The following DCDC1 variants were observed in gnomAD, a reference collection of about 807,000 sequenced individuals.
DCDC1 encodes the protein doublecortin domain-containing protein 1.
DCDC1 carries 200 observed loss-of-function variants against 178.3 expected under a neutral mutation model. The observed-to-expected ratio is 1.12, with a 90% CI of 1.00 to 1.26. DCDC1 has a LOEUF of 1.26. Ranked by LOEUF, DCDC1 falls within the 50% of genes most tolerant of loss-of-function variation. The pLI is 0.00. For missense variants in DCDC1, 1,983 were observed against 1,749.2 expected, an observed-to-expected ratio of 1.13 and a Z score of -2.38; for synonymous variants, 690 against 604.8, an observed-to-expected ratio of 1.14 and a Z score of -2.07.
At chr11:30,989,292 A>G (rs954367719) in intron 20 of DCDC1, among the ~76,000 whole-genome samples, 3 of 152,226 alleles carry the variant, frequency 2.0e-5, no homozygotes, top group Admixed American at 1.3e-4. Context: ...GCCTGTTTAC[A>G]TAGTACAGAG....
At chr11:31,291,091 G>C (rs1947199547) in intron 6 of DCDC1, among the ~76,000 whole-genome samples, 1 of 152,004 alleles carries the variant, frequency 6.6e-6, no homozygotes, top group Admixed American at 6.6e-5. Context: ...TTCAGGGTAT[G>C]AAAGAGTAAT....
chr11:31,245,569 G>A (rs947733876), intron 8 of DCDC1, among the ~76,000 whole-genome samples: 1 of 151,560 alleles, frequency 6.6e-6, no homozygotes, highest in South Asian at 2.1e-4. Flanking sequence ...TGAAGACTAA[G>A]GAGGAAAATA....
chr11:31,213,272 C>T, intron 9 of DCDC1, among the ~76,000 whole-genome samples: 1 of 151,472 alleles, frequency 6.6e-6, no homozygotes, highest in Non-Finnish European at 1.5e-5. Context: ...CTATTTTCGC[C>T]TCATGTCAAA....
intron 9 of DCDC1, among the ~76,000 whole-genome samples, chr11:31,226,453 C>A (rs931774693): frequency 1.3e-5 from 2 of 151,412 alleles, no homozygotes; most frequent in Admixed American, 6.6e-5. Context: ...AGAAGGTAAA[C>A]CCCCGAATAA....
chr11:30,930,013 C>G (rs1410589216), intron 22 of DCDC1, among the ~76,000 whole-genome samples: 1 of 152,082 alleles, frequency 6.6e-6, no homozygotes, highest in African/African-American at 2.4e-5. Context: ...CAGCATGTTA[C>G]TAGGGCAAGA....
chr11:31,343,369 C>A (rs925171826), intron 1 of DCDC1, among the ~76,000 whole-genome samples: 6 of 152,064 alleles, frequency 3.9e-5, no homozygotes, highest in Admixed American at 6.5e-5. Flanking sequence ...TACAATGGCA[C>A]AATCTTGACT....
At chr11:30,969,341 G>T (rs1402804206) in intron 20 of DCDC1, among the ~76,000 whole-genome samples, 1 of 152,160 alleles carries the variant, frequency 6.6e-6, no homozygotes, top group African/African-American at 2.4e-5. Context: ...AAGGCAATAT[G>T]ATCACAAAAG....
chr11:31,161,250 C>A (rs1966292179), intron 9 of DCDC1, among the ~76,000 whole-genome samples: 1 of 152,102 alleles, frequency 6.6e-6, no homozygotes, highest in South Asian at 2.1e-4. Context: ...TGGGAGAAAT[C>A]AAACGGGGAG....
intron 9 of DCDC1, among the ~76,000 whole-genome samples, chr11:31,238,367 TAAA>T (rs1976702999): frequency 6.6e-6 from 1 of 152,050 alleles, no homozygotes; most frequent in Non-Finnish European, 1.5e-5. Flanking sequence ...GGATGATAAA[TAAA>T]GAACATCATG....
At chr11:31,155,126 T>G (rs1965587657) in intron 9 of DCDC1, among the ~76,000 whole-genome samples, 1 of 152,236 alleles carries the variant, frequency 6.6e-6, no homozygotes, top group African/African-American at 2.4e-5. Context: ...AAGCTAAAAC[T>G]TTTGTTGTTC....
intron 20 of DCDC1, among the ~76,000 whole-genome samples, chr11:30,965,881 T>C (rs1949407669): frequency 1.8e-5 from 2 of 112,572 alleles, no homozygotes; most frequent in Non-Finnish European, 3.6e-5. Flanking sequence ...GATAGTTTAC[T>C]GAGAATGATG....
chr11:31,259,331 C>A (rs751643697), intron 8 of DCDC1, among the ~76,000 whole-genome samples: 6 of 152,006 alleles, frequency 3.9e-5, no homozygotes, highest in African/African-American at 1.5e-4. Flanking sequence ...CCACCCTGGG[C>A]AACAAGAGCG....
intron 9 of DCDC1, among the ~76,000 whole-genome samples, chr11:31,203,690 G>T (rs962547870): frequency 1.3e-5 from 2 of 151,852 alleles, no homozygotes; most frequent in African/African-American, 4.8e-5. Flanking sequence ...AGTTTCACAG[G>T]GTAGTTTTTA....
chr11:30,937,958 C>T (rs1947379898), intron 21 of DCDC1, among the ~76,000 whole-genome samples: 1 of 152,104 alleles, frequency 6.6e-6, no homozygotes, highest in Non-Finnish European at 1.5e-5. Context: ...CCTAAACTCT[C>T]CTCCACATCC....
At chr11:31,330,935 C>T (rs1949947027) in intron 2 of DCDC1, among the ~76,000 whole-genome samples, 1 of 151,524 alleles carries the variant, frequency 6.6e-6, no homozygotes, top group South Asian at 2.1e-4. Flanking sequence ...TCTGTGAAGT[C>T]ATTGGTAGCT....
At chr11:31,340,861 C>CAT (rs1950508200) in intron 1 of DCDC1, among the ~76,000 whole-genome samples, 2 of 152,114 alleles carry the variant, frequency 1.3e-5, no homozygotes, top group African/African-American at 2.4e-5. Flanking sequence ...TCTCTCTCTT[C>CAT]ATATATATAT....
In DCDC1 at chr11:30,904,970, T is replaced by C; in HGVS notation, c.4299A>G (p.Thr1433=). The C allele has an allele frequency of 6.2e-7, 1 of 1,613,768 alleles. No homozygotes were observed. Among genetic ancestry groups the C allele is most frequent in the South Asian group, 1.1e-5 (1 of 91,084 alleles). Residue 1433 remains threonine, a synonymous_variant, in exon 31 of 39, where the codon ACA becomes ACG. Coordinates refer to ENST00000684477, the MANE Select transcript of DCDC1 (RefSeq NM_001387274.1). The part of the protein sequence containing the change: ...YRNGKLIVAG[T]FPMLLTECTE... ...AGTGATAGCCACTTACCATGGGGAA[T>C]GTTCCAGCCACAATTAACTTCCCAT...
chr11:31,199,569 C>G (rs1344820388), intron 9 of DCDC1, among the ~76,000 whole-genome samples: 1 of 152,106 alleles, frequency 6.6e-6, no homozygotes, highest in African/African-American at 2.4e-5. Context: ...TGCTTCCCTG[C>G]TGCTCAGAGA....
At chr11:31,097,267 A>T (rs1218327052) in intron 15 of DCDC1, among the ~76,000 whole-genome samples, 1 of 152,236 alleles carries the variant, frequency 6.6e-6, no homozygotes, top group African/African-American at 2.4e-5. Context: ...TGCAAATTCA[A>T]AATAAGAAAA....
Sources: gnomAD v4.1 joint callset for allele counts (sites outside exome capture counted in the v4.1 genomes callset) on GRCh38, gnomAD v4.1.1 for gene constraint, MANE v1.5 for transcripts, NCBI Gene and HGNC (gene_info 2026-07-23, HGNC 2026-07-21) for gene names.